The following RASGEF1C variants were observed in gnomAD, a reference collection of about 807,000 sequenced individuals.
RASGEF1C encodes ras-GEF domain-containing family member 1C.
A neutral mutation model predicts 58.1 loss-of-function variants in RASGEF1C; 27 were observed. The observed-to-expected ratio is 0.46, with a 90% confidence interval of 0.34 to 0.64. The LOEUF (loss-of-function observed/expected upper bound fraction) is 0.64. RASGEF1C is among the 30% of genes least tolerant of loss of function. The pLI is 0.01. For missense variants in RASGEF1C, 502 were observed against 605.1 expected (o/e 0.83, Z 1.79); for synonymous variants, 243 against 246.3 (o/e 0.99, Z 0.13).
chr5:180,108,720 C>T (rs182077568), intron 12 of RASGEF1C, among the ~76,000 whole-genome samples: 6 of 152,270 alleles, frequency 3.9e-5, no homozygotes, highest in Admixed American at 3.9e-4. Context: ...TTTTCATTTG[C>T]TTCAAGGAGA....
intron 1 of RASGEF1C, among the ~76,000 whole-genome samples, chr5:180,200,490 T>C (rs986546772): frequency 6.6e-6 from 1 of 151,580 alleles, no homozygotes; most frequent in African/African-American, 2.4e-5. Context: ...TTTTTTGGTA[T>C]TTTTAGTAGA....
chr5:180,174,532 C>G (rs4700900), intron 1 of RASGEF1C, among the ~76,000 whole-genome samples: 2 of 143,626 alleles, frequency 1.4e-5, no homozygotes, highest in South Asian at 2.2e-4. Flanking sequence ...ACGTGTGTCT[C>G]TGTGTGTGCG....
In RASGEF1C at chr5:180,104,875, G is replaced by A. The variant is rs147876322; in HGVS notation, c.1304-2732C>T. Among the ~76,000 whole-genome samples, 881 of 152,186 alleles carry A rather than the reference G, an allele frequency of 5.8e-3. 8 individuals are homozygous for A. Among genetic ancestry groups the A allele is most frequent in the African/African-American group, 0.02 (820 of 41,520 alleles). On this transcript the variant is annotated intron_variant, in intron 12 of 13. Coordinates refer to ENST00000361132, the MANE Select transcript of RASGEF1C (RefSeq NM_175062.4). The stretch of plus-strand genomic sequence containing the variant: ...ATTCGTGTGTGTGGAGTTGTTTGTC[G>A]TATTCCCTTATTATCTTTTCAATGT...
At chr5:180,129,482 G>C (rs1489150597) in intron 4 of RASGEF1C, among the ~76,000 whole-genome samples, 2 of 152,172 alleles carry the variant, frequency 1.3e-5, no homozygotes, top group African/African-American at 4.8e-5. Context: ...TCCTCAGACA[G>C]TAGCAGCACC....
intron 12 of RASGEF1C, among the ~76,000 whole-genome samples, chr5:180,102,789 C>G (rs2113231331): frequency 6.6e-6 from 1 of 152,306 alleles, no homozygotes. Flanking sequence ...ACTGTGCTGT[C>G]TTAACGACCA....
chr5:180,190,468 T>C (rs33998933), intron 1 of RASGEF1C, among the ~76,000 whole-genome samples: 6,450 of 120,936 alleles, frequency 0.053, 532 homozygotes, highest in African/African-American at 0.16. Context: ...CCAGACTGGG[T>C]GACAGAGTGA....
At chr5:180,135,383 T>A (rs1307258461) in intron 4 of RASGEF1C, 1 of 152,192 alleles carries the variant, frequency 6.6e-6, no homozygotes, top group East Asian at 1.9e-4. Flanking sequence ...CACACACAGC[T>A]CTTCTGCCAT....
chr5:180,150,903 G>A (rs1226813593), intron 1 of RASGEF1C, among the ~76,000 whole-genome samples: 1 of 151,580 alleles, frequency 6.6e-6, no homozygotes, highest in Non-Finnish European at 1.5e-5. Context: ...AAAATCACAA[G>A]CATTCTTATA....
At chr5:180,174,002 G>A (rs951160049) in intron 1 of RASGEF1C, among the ~76,000 whole-genome samples, 2 of 151,670 alleles carry the variant, frequency 1.3e-5, no homozygotes, top group South Asian at 2.1e-4. Context: ...GGGCCCAGAC[G>A]TGGGGATGGT....
At chr5:180,157,740 A>G (rs1766874566) in intron 1 of RASGEF1C, among the ~76,000 whole-genome samples, 1 of 152,210 alleles carries the variant, frequency 6.6e-6, no homozygotes, top group Non-Finnish European at 1.5e-5. Flanking sequence ...CATGATTCCA[A>G]CTAGATCACA....
intron 10 of RASGEF1C, among the ~76,000 whole-genome samples, chr5:180,118,018 C>T (rs763910376): frequency 4.9e-5 from 7 of 142,578 alleles, no homozygotes; most frequent in Admixed American, 1.4e-4. Context: ...AAAAAAAATA[C>T]GAGCTGTGAA....
chr5:180,203,919 G>A (rs1756444044), intron 1 of RASGEF1C, among the ~76,000 whole-genome samples: 3 of 152,130 alleles, frequency 2.0e-5, no homozygotes, highest in Admixed American at 2.0e-4. Flanking sequence ...CTTGAACCTG[G>A]GAGGCAGAGG....
intron 1 of RASGEF1C, among the ~76,000 whole-genome samples, chr5:180,163,565 T>C (rs576962031): frequency 2.7e-4 from 41 of 152,260 alleles, no homozygotes; most frequent in Middle Eastern, 3.4e-3. Flanking sequence ...GTGTGATAGA[T>C]TATATTGATT....
intron 4 of RASGEF1C, among the ~76,000 whole-genome samples, chr5:180,135,943 T>C (rs868475795): frequency 9.9e-5 from 15 of 152,272 alleles, no homozygotes; most frequent in African/African-American, 3.4e-4. Context: ...GTAGACACTC[T>C]TCCCTGGCCC....
rs191294391 is a variant in RASGEF1C at position 180,110,610 on chromosome 5, G to C, written c.1303+847C>G. Among the ~76,000 whole-genome samples the C allele has an allele frequency of 6.6e-5, 10 of 152,168 alleles. No individual in the cohort carries two copies. In the East Asian group the frequency reaches 1.4e-3, roughly 21 times the overall value. ...GCTTCCTGAAAGCAGAGGGCCCCGGGACCTGCCCCCTTAGCACGCTTGCAA... is the reference window on the plus strand; with the variant it reads ...GCTTCCTGAAAGCAGAGGGCCCCGGCACCTGCCCCCTTAGCACGCTTGCAA... On this transcript the variant is annotated intron_variant, in intron 12 of 13. Coordinates refer to ENST00000361132, the MANE Select transcript of RASGEF1C (RefSeq NM_175062.4).
At chr5:180,203,078 G>GGTGA (rs1756425104) in intron 1 of RASGEF1C, among the ~76,000 whole-genome samples, 1 of 152,088 alleles carries the variant, frequency 6.6e-6, no homozygotes, top group Non-Finnish European at 1.5e-5. Context: ...GAAAACTTTG[G>GGTGA]CAAAAATAAA....
chr5:180,135,485 T>C (rs1372269941), intron 4 of RASGEF1C, among the ~76,000 whole-genome samples: 1 of 152,110 alleles, frequency 6.6e-6, no homozygotes, highest in African/African-American at 2.4e-5. Flanking sequence ...CGCCCACGTT[T>C]CCCCCTTCCA....
intron 1 of RASGEF1C, among the ~76,000 whole-genome samples, chr5:180,144,883 A>G (rs1766640425): frequency 6.6e-6 from 1 of 152,152 alleles, no homozygotes; most frequent in Non-Finnish European, 1.5e-5. Context: ...TGGGTACCTT[A>G]TATAAGTGGA....
chr5:180,190,308 A>G (rs1370061061), intron 1 of RASGEF1C, among the ~76,000 whole-genome samples: 1 of 151,800 alleles, frequency 6.6e-6, no homozygotes, highest in Non-Finnish European at 1.5e-5. Flanking sequence ...TAACACGGTG[A>G]AACCCCGTCT....
Sources: allele counts gnomAD v4.1 joint callset (sites outside exome capture counted in the v4.1 genomes callset), GRCh38; gene constraint gnomAD v4.1.1; transcripts MANE v1.5; gene names NCBI Gene and HGNC (gene_info 2026-07-23, HGNC 2026-07-21).